The following PTCD2 variants were observed in gnomAD, a reference collection of about 807,000 sequenced individuals.
PTCD2 encodes the protein pentatricopeptide repeat-containing protein 2, mitochondrial.
In PTCD2, 31 loss-of-function variants were observed where a neutral mutation model predicts 42.6. The observed-to-expected ratio is 0.73, with a 90% CI of 0.55 to 0.98. The LOEUF is 0.98. PTCD2 is among the 50% of genes least tolerant of loss of function. PTCD2 has a pLI of 0.00. For missense variants in PTCD2, 476 were observed against 454.8 expected (o/e 1.05, Z -0.42); for synonymous variants, 183 against 170.9 (o/e 1.07, Z -0.55).
chr5:72,354,378 A>G (rs1203790629), intron 9 of PTCD2, among the ~76,000 whole-genome samples: 5 of 98,612 alleles, frequency 5.1e-5, no homozygotes, highest in Non-Finnish European at 9.6e-5. Flanking sequence ...ATGAGACTCC[A>G]TCTGAAAAAA....
intron 9 of PTCD2, among the ~76,000 whole-genome samples, chr5:72,355,741 G>T (rs973991923): frequency 1.3e-5 from 2 of 152,202 alleles, no homozygotes; most frequent in Non-Finnish European, 1.5e-5. Flanking sequence ...GAAGTGTAAA[G>T]AAATTGTACG....
Position 72,358,117 on chromosome 5 carries a change from A to C in PTCD2, c.943-86A>C, listed in dbSNP as rs1752968753. The C allele has an allele frequency of 1.2e-5, 15 of 1,233,944 alleles. No homozygotes were observed. In the South Asian group the frequency reaches 1.9e-4, roughly 16 times the overall value. The allele number at this position is 1,233,944 out of a possible 1,614,324, so 76.4% of individuals were successfully genotyped here. A position where few individuals can be genotyped will look rare whatever the true frequency, so the allele number is the denominator to read the frequency against. On this transcript the variant is annotated intron_variant, in intron 9 of 9. Coordinates refer to ENST00000380639, the MANE Select transcript of PTCD2 (RefSeq NM_024754.5). ...CCTGGCCTACCATACATTTTTGTTC[A>C]TGTCCATTTCTTTTTCTTAGGGTTA...
In PTCD2 at chr5:72,359,023, A is replaced by G. The variant is rs1294596957; in HGVS notation, c.*596A>G. ...CTCAAAAATAAGAGAAATAAGGTTC[A>G]TAAGGAAACTTGCTGGGATTGTGGT... is the stretch of plus-strand genomic sequence containing the variant. On this transcript the variant is annotated 3_prime_UTR_variant, in exon 10 of 10. Transcript: ENST00000380639. 6.5e-6 allele frequency: 1 copy of G among 153,050 alleles called. No homozygotes were observed. Among genetic ancestry groups the G allele is most frequent in the African/African-American group, 2.4e-5 (1 of 41,468 alleles). 9.5% of individuals were successfully genotyped at this position (153,050 alleles called of 1,614,324 possible).
In PTCD2 at chr5:72,365,705, A is replaced by G. The variant is rs1394919050; in HGVS notation, c.*7278A>G. 1 of 152,230 alleles carries G rather than the reference A, an allele frequency of 6.6e-6. No homozygotes were observed. The highest frequency in any genetic ancestry group is 1.5e-5 in the Non-Finnish European group (1 of 68,040). 9.4% of individuals were successfully genotyped at this position (152,230 alleles called of 1,614,324 possible). ...TATGTTCCGGTTATAGCTGGTAGCAAGATGGCTGCATGCATCATGAGGCTT... is the reference window on the plus strand; with the variant it reads ...TATGTTCCGGTTATAGCTGGTAGCAGGATGGCTGCATGCATCATGAGGCTT... On this transcript the variant is annotated 3_prime_UTR_variant, in exon 10 of 10. Transcript: ENST00000380639.
chr5:72,362,070 C>T lies in PTCD2; in HGVS notation c.*3643C>T, dbSNP rs1753108002. On this transcript the variant is annotated 3_prime_UTR_variant, in exon 10 of 10. Transcript: ENST00000380639. ...GAGGATTAGTACTTATTTAACTCAC[C>T]AGCTCATTTAACTATATTGTATAAC... 6.6e-6 allele frequency: 1 copy of T among 152,158 alleles called. No homozygotes were observed. The allele number at this position is 152,158 out of a possible 1,614,324, so 9.4% of individuals were successfully genotyped here.
At chr5:72,358,156 G>C in intron 9 of PTCD2, 47 bp from the exon 10 acceptor site, 1 of 1,485,412 alleles carries the variant, frequency 6.7e-7, no homozygotes, top group Middle Eastern at 1.7e-4. Context: ...TAAGAATAAG[G>C]AAGAAATCTT....
intron 9 of PTCD2, among the ~76,000 whole-genome samples, chr5:72,357,055 A>G (rs1248755477): frequency 6.6e-6 from 1 of 152,166 alleles, no homozygotes; most frequent in East Asian, 1.9e-4. Flanking sequence ...TGGGGGTTAA[A>G]TACCATCATA....
intron 8 of PTCD2, 98 bp downstream of exon 8, chr5:72,343,134 G>T: frequency 2.0e-6 from 1 of 505,830 alleles, no homozygotes; most frequent in Non-Finnish European, 3.2e-6. Flanking sequence ...TGTATACAAT[G>T]ACTTGCTCTC....
At chr5:72,340,894 T>G (rs995042719) in intron 7 of PTCD2, among the ~76,000 whole-genome samples, 5 of 152,058 alleles carry the variant, frequency 3.3e-5, no homozygotes, top group Non-Finnish European at 7.4e-5. Context: ...TTTTTCTCAT[T>G]TCTATCTTCT....
chr5:72,358,612 G>C lies in PTCD2; in HGVS notation c.*185G>C. On this transcript the variant is annotated 3_prime_UTR_variant, in exon 10 of 10. Coordinates refer to ENST00000380639, the MANE Select transcript of PTCD2 (RefSeq NM_024754.5). ...GAAGTTATGTTGCACCACTGTGAAG[G>C]TCTAGATGCAAGCTTGGCTCCCTCA... The C allele has an allele frequency of 1.7e-6, 1 of 596,810 alleles. No individual in the cohort carries two copies. Among genetic ancestry groups the C allele is most frequent in the Non-Finnish European group, 3.0e-6 (1 of 336,160 alleles). The allele number at this position is 596,810 out of a possible 1,614,324, so 37.0% of individuals were successfully genotyped here.
intron 1 of PTCD2, 124 bp from the exon 2 acceptor site, chr5:72,322,048 T>C (rs770333151): frequency 7.7e-5 from 46 of 596,096 alleles, no homozygotes; most frequent in Middle Eastern, 9.7e-4. Context: ...TGTACAGTTA[T>C]ATTTGTACCT....
intron 5 of PTCD2, chr5:72,335,515 C>A (rs774939991): frequency 8.8e-6 from 3 of 341,808 alleles, no homozygotes; most frequent in Non-Finnish European, 1.6e-5. Context: ...TTCTGGAGAC[C>A]TTAGGAAGTT....
rs767059534 is a variant in PTCD2 at position 72,338,707 on chromosome 5, G to C, written c.725G>C (p.Cys242Ser). 1.2e-6 allele frequency: 2 copies of C among 1,611,188 alleles called. No homozygotes were observed. The highest frequency in any genetic ancestry group is 1.7e-6 in the Non-Finnish European group (2 of 1,177,400). ...GAAATTCTCTCCAGGAGAGCATCCT[G>C]TTTCGCTGTGGCATTAGCTCTGAAT... is the stretch of plus-strand genomic sequence containing the variant. ...KGEILSRRAS[C>S]FAVALALNQN... The change falls in exon 7 of 10, where the codon TGT (cysteine) becomes TCT (serine). Residue 242 changes from cysteine to serine, a missense_variant. By Grantham distance (112) the Cys-to-Ser change is moderately radical. Coordinates refer to ENST00000380639, the MANE Select transcript of PTCD2 (RefSeq NM_024754.5).
At chr5:72,322,056 C>T (rs951728387) in intron 1 of PTCD2, 116 bp from the exon 2 acceptor site, 3 of 611,830 alleles carry the variant, frequency 4.9e-6, no homozygotes, top group African/African-American at 3.7e-5. Flanking sequence ...TATATTTGTA[C>T]CTGTCTAATG....
intron 8 of PTCD2, among the ~76,000 whole-genome samples, chr5:72,346,611 A>T (rs1201152579): frequency 6.6e-6 from 1 of 152,220 alleles, no homozygotes; most frequent in Non-Finnish European, 1.5e-5. Flanking sequence ...CCAGAAGGTC[A>T]GGTCATTTGA....
intron 1 of PTCD2, chr5:72,320,743 T>C (rs78243271): frequency 0.023 from 12,351 of 544,968 alleles, 1,136 homozygotes; most frequent in African/African-American, 0.2. Flanking sequence ...GCTGTAGTGC[T>C]CCCTCAGATG....
At chr5:72,354,268 G>A (rs1176319299) in intron 9 of PTCD2, among the ~76,000 whole-genome samples, 1 of 150,958 alleles carries the variant, frequency 6.6e-6, no homozygotes, top group Non-Finnish European at 1.5e-5. Context: ...GGGCGTGGTG[G>A]TGCATGCCTG....
At chr5:72,358,168 C>A (rs1381876410) in intron 9 of PTCD2, 35 bp from the exon 10 acceptor site, 2 of 1,528,296 alleles carry the variant, frequency 1.3e-6, no homozygotes, top group East Asian at 4.5e-5. Context: ...AGAAATCTTG[C>A]AGAGATGTAA....
At chr5:72,356,731 C>T (rs1580193613) in intron 9 of PTCD2, among the ~76,000 whole-genome samples, 1 of 152,172 alleles carries the variant, frequency 6.6e-6, no homozygotes, top group Non-Finnish European at 1.5e-5. Flanking sequence ...ATATGCTGCA[C>T]ATTAAGTCAT....
Sources: gnomAD v4.1 joint callset for allele counts (sites outside exome capture counted in the v4.1 genomes callset) on GRCh38, gnomAD v4.1.1 for gene constraint, MANE v1.5 for transcripts, NCBI Gene and HGNC (gene_info 2026-07-23, HGNC 2026-07-21) for gene names.